RNF25: variants seen among roughly 807,000 people sequenced by gnomAD.
RNF25 encodes the protein ring finger protein 25, also known as E3 ubiquitin-protein ligase RNF25.
A neutral mutation model predicts 65.0 loss-of-function variants in RNF25; 32 were observed. The observed-to-expected ratio is 0.49, with a 90% CI of 0.37 to 0.66. RNF25 has a LOEUF of 0.66. RNF25 is among the 30% of genes least tolerant of loss of function. The pLI, the probability that RNF25 is intolerant of heterozygous loss-of-function variation, is 0.00. For synonymous variants in RNF25, 207 were observed against 221.2 expected, an observed-to-expected ratio of 0.94 and a Z score of 0.57; for missense variants, 493 against 584.8, an observed-to-expected ratio of 0.84 and a Z score of 1.62.
At chr2:218,666,276 G>A (rs1226555481) in intron 5 of RNF25, 46 bp from the exon 6 acceptor site, 1 of 1,498,340 alleles carries the variant, frequency 6.7e-7, no homozygotes, top group Admixed American at 1.8e-5. Context: ...GGGAAGAACG[G>A]TGAGCAAGGC....
chr2:218,664,072 CG>C lies in RNF25; in HGVS notation c.1264del (p.Arg422AlafsTer?). The C allele has an allele frequency of 6.6e-7, 1 of 1,509,328 alleles. No individual in the cohort carries two copies. Among genetic ancestry groups the C allele is most frequent in the Non-Finnish European group, 8.9e-7 (1 of 1,129,628 alleles). 93.5% of individuals were successfully genotyped at this position (1,509,328 alleles called of 1,614,324 possible). A position where few individuals can be genotyped will look rare whatever the true frequency, so the allele number is the denominator to read the frequency against. On this transcript the variant is annotated frameshift_variant, in exon 10 of 10. Transcript: ENST00000295704. LOFTEE classifies it high-confidence loss of function. The surrounding 1 kb of genome is among the most constrained non-coding windows in gnomAD (Gnocchi z 5.1). ...AGAACCGGGTGTCCGGCCTTTAGAGCGCTCCCAGCGAACACAGTCCCGAGTC... is the reference window on the plus strand; with the variant it reads ...AGAACCGGGTGTCCGGCCTTTAGAGCCTCCCAGCGAACACAGTCCCGAGTC... ...RRTRDCVRWE[R>X]SKGRTPGSSY...
intron 6 of RNF25, 33 bp downstream of exon 6, chr2:218,666,126 A>G: frequency 6.2e-7 from 1 of 1,613,024 alleles, no homozygotes; most frequent in South Asian, 1.1e-5. Context: ...GCTGGTCCCA[A>G]ACAGAATGCC....
At position 218,668,288 on chromosome 2, in the gene RNF25, T is replaced by C. The variant is rs1939881286; in HGVS notation, c.170A>G (p.Gln57Arg). ...AGTGAAGCAGACATACTGTGAATCC[T>C]GGTCCTCTGCAGTGGCAGGATGCAA... The part of the protein sequence containing the change: ...ITLHPATAED[Q>R]DSQYVCFTLV... The change falls in exon 3 of 10, where the codon CAG (glutamine) becomes CGG (arginine). Residue 57 changes from glutamine to arginine, a missense_variant. Physicochemically the swap from Gln to Arg is conservative, Grantham distance 43. Coordinates refer to ENST00000295704, the MANE Select transcript of RNF25 (RefSeq NM_022453.3). The C allele has an allele frequency of 1.2e-6, 2 of 1,613,772 alleles. No individual in the cohort carries two copies. The highest frequency in any genetic ancestry group is 1.7e-6 in the Non-Finnish European group (2 of 1,180,004).
rs755477704 is a variant in RNF25 at position 218,665,910 on chromosome 2, G to A, written c.573+6C>T. On this transcript the variant is annotated splice_donor_region_variant and intron_variant, in intron 7 of 9. Coordinates refer to ENST00000295704, the MANE Select transcript of RNF25 (RefSeq NM_022453.3). ...CAGATGAGTGTGCAGGTGCAGTGAG[G>A]TCTACCTGTTTGGTTGTAGCATGCT... 6.2e-7 allele frequency: 1 copy of A among 1,612,214 alleles called. No individual in the cohort carries two copies.
In RNF25 at chr2:218,664,617, G is replaced by A; in HGVS notation, c.802-82C>T. On this transcript the variant is annotated intron_variant, in intron 9 of 9. Transcript: ENST00000295704. This position sits in a 1 kb window ranked among gnomAD's most constrained non-coding sequence, Gnocchi z 5.1. ...TACAGGCCCCTCTCCTACTATCTGG[G>A]CTGACCACGATCAGCCTATCATCTT... The A allele has an allele frequency of 6.3e-7, 1 of 1,574,962 alleles. No individual in the cohort carries two copies. Among genetic ancestry groups the A allele is most frequent in the Non-Finnish European group, 8.7e-7 (1 of 1,155,156 alleles).
intron 1 of RNF25, among the ~76,000 whole-genome samples, chr2:218,670,405 G>A (rs1939923479): frequency 6.6e-6 from 1 of 151,490 alleles, no homozygotes; most frequent in African/African-American, 2.4e-5. Context: ...CAACAAAATG[G>A]GGGAGGGGGG....
chr2:218,665,044 G>T, intron 8 of RNF25, 111 bp downstream of exon 8: 1 of 1,428,870 alleles, frequency 7.0e-7, no homozygotes, highest in Middle Eastern at 1.7e-4. Context: ...AGAGGTCCTA[G>T]GCAGTTCAAG....
At chr2:218,671,809 C>G in intron 1 of RNF25, 121 bp downstream of exon 1, 1 of 1,067,430 alleles carries the variant, frequency 9.4e-7, no homozygotes. Flanking sequence ...ATGTCAGCAT[C>G]TCTGCCATCC....
intron 2 of RNF25, 118 bp downstream of exon 2, chr2:218,668,487 T>C: frequency 1.0e-6 from 1 of 990,752 alleles, no homozygotes; most frequent in Non-Finnish European, 1.6e-6. Flanking sequence ...AGCTTTTGTC[T>C]ACACAAGAGA....
rs1351037966 is a variant in RNF25 at position 218,666,010 on chromosome 2, T to C, written c.479A>G (p.His160Arg). ...KTPCYHYFHC[H>R]CLARYIQHME... Reference sequence around the variant, plus strand: ...GTGCTGGATGTACCGAGCAAGGCAGTGGCAGTGGAAGTAGTGGTAACAGGG... The same window carrying C: ...GTGCTGGATGTACCGAGCAAGGCAGCGGCAGTGGAAGTAGTGGTAACAGGG... The change falls in exon 7 of 10, where the codon CAC becomes CGC. Residue 160 changes from histidine to arginine, a missense_variant. Around this residue, in one of 3 missense-constraint regions of RNF25, gnomAD observed 351 missense variants for 400.2 expected, o/e 0.88. Transcript: ENST00000295704. 2 of 1,613,994 alleles carry C rather than the reference T, an allele frequency of 1.2e-6. No homozygotes were observed. The highest frequency in any genetic ancestry group is 1.7e-5 in the Admixed American group (1 of 59,984).
In RNF25 at chr2:218,664,768, G is replaced by A. The variant is rs187969469; in HGVS notation, c.772C>T (p.Arg258Ter). The A allele has an allele frequency of 1.2e-6, 2 of 1,614,218 alleles. No individual in the cohort carries two copies. The highest frequency in any genetic ancestry group is 1.7e-6 in the Non-Finnish European group (2 of 1,180,040). Residue 258 changes from arginine to a stop codon, truncating the protein, a stop_gained, in exon 9 of 10, where the codon CGA (arginine) becomes TGA (stop). Transcript: ENST00000295704. LOFTEE classifies it high-confidence loss of function. This position sits in a 1 kb window ranked among gnomAD's most constrained non-coding sequence, Gnocchi z 5.1. ...RGGIIDLEAE[R>*]NRYFISLQQP... ...TGAAGGCTGATGAAGTATCGGTTTC[G>A]CTCAGCCTCAAGGTCAATGATTCCC...
rs775224384 is a variant in RNF25, at chr2:218,664,302, A to T, written c.1035T>A (p.Gly345=). The T allele has an allele frequency of 9.9e-6, 16 of 1,611,388 alleles. No individual in the cohort carries two copies. The highest frequency in any genetic ancestry group is 5.0e-5 in the Admixed American group (3 of 59,882). ...AMLDPPKPSR[G]PWRQPERRHP... ...GCCTCCGTTCGGGCTGTCGCCAGGG[A>T]CCTCGACTGGGCTTGGGGGGATCTA... The change falls in exon 10 of 10, where the codon GGT becomes GGA. Residue 345 remains glycine (G), a synonymous_variant. Coordinates refer to ENST00000295704, the MANE Select transcript of RNF25 (RefSeq NM_022453.3). The surrounding 1 kb of genome is among the most constrained non-coding windows in gnomAD (Gnocchi z 5.1).
rs777649917 is a variant in RNF25, at chr2:218,664,285, T to A, written c.1052A>T (p.Glu351Val). Residue 351 changes from glutamate (E) to valine (V), a missense_variant, in exon 10 of 10, where the codon GAA becomes GTA. Around this residue, in one of 3 missense-constraint regions of RNF25, gnomAD observed 351 missense variants for 400.2 expected, o/e 0.88. Coordinates refer to ENST00000295704, the MANE Select transcript of RNF25 (RefSeq NM_022453.3). The surrounding 1 kb of genome is among the most constrained non-coding windows in gnomAD (Gnocchi z 5.1). ...KPSRGPWRQP[E>V]RRHPKGGECH... Reference sequence around the variant, plus strand: ...CTCCCCTCCCTTTGGGTGCCTCCGTTCGGGCTGTCGCCAGGGACCTCGACT... The same window carrying A: ...CTCCCCTCCCTTTGGGTGCCTCCGTACGGGCTGTCGCCAGGGACCTCGACT... The A allele has an allele frequency of 6.2e-7, 1 of 1,610,086 alleles. No individual in the cohort carries two copies. Among genetic ancestry groups the A allele is most frequent in the Admixed American group, 1.7e-5 (1 of 59,832 alleles).
In RNF25 at chr2:218,664,282, C is replaced by T. The variant is rs35853821; in HGVS notation, c.1055G>A (p.Arg352Gln). The change falls in exon 10 of 10, where the codon CGG (arginine) becomes CAG (glutamine). Residue 352 changes from arginine to glutamine, a missense_variant. By Grantham distance (43) the Arg-to-Gln change is conservative (BLOSUM62 1). This residue lies in a region of RNF25 where 351 missense variants were observed against 400.2 expected (regional missense o/e 0.88). Transcript: ENST00000295704. The surrounding 1 kb of genome is among the most constrained non-coding windows in gnomAD (Gnocchi z 5.1). ...GCACTCCCCTCCCTTTGGGTGCCTC[C>T]GTTCGGGCTGTCGCCAGGGACCTCG... ...PSRGPWRQPE[R>Q]RHPKGGECHA... is the part of the protein sequence containing the mutation. 4.7e-5 allele frequency: 75 copies of T among 1,609,358 alleles called. No homozygotes were observed. The East Asian group carries it at 4.7e-4, about 10-fold the overall frequency.
rs775699312 is a variant in RNF25, at chr2:218,668,164, C to T, written c.220-18G>A. 2 of 1,613,934 alleles carry T rather than the reference C, an allele frequency of 1.2e-6. No homozygotes were observed. The highest frequency in any genetic ancestry group is 1.7e-4 in the Middle Eastern group (1 of 6,058). On this transcript the variant is annotated intron_variant, in intron 3 of 9. Transcript: ENST00000295704. Reference sequence around the variant, plus strand: ...TGGGGATACTAGTGGGGGCAAATAACAAGTTACTGCTGAAGCGGTCCACCC... The same window carrying T: ...TGGGGATACTAGTGGGGGCAAATAATAAGTTACTGCTGAAGCGGTCCACCC...
intron 5 of RNF25, 141 bp downstream of exon 5, chr2:218,667,771 T>A: frequency 1.4e-6 from 1 of 711,460 alleles, no homozygotes; most frequent in Non-Finnish European, 2.3e-6. Flanking sequence ...AATAGAAGAG[T>A]CTCATTTCTC....
At chr2:218,665,280 C>T in intron 7 of RNF25, 33 bp from the exon 8 acceptor site, 1 of 1,599,260 alleles carries the variant, frequency 6.3e-7, no homozygotes, top group Non-Finnish European at 8.6e-7. Flanking sequence ...GCCTGTGTCA[C>T]AGCCCAGGAT....
chr2:218,665,835 A>G, intron 7 of RNF25, 81 bp downstream of exon 7: 1 of 1,530,174 alleles, frequency 6.5e-7, no homozygotes, highest in Non-Finnish European at 8.8e-7. Flanking sequence ...GTGAAGAGCC[A>G]CTGGAGTGGA....
chr2:218,665,932 T>C lies in RNF25; in HGVS notation c.557A>G (p.His186Arg). 1 of 1,613,910 alleles carries C rather than the reference T, an allele frequency of 6.2e-7. No individual in the cohort carries two copies. The highest frequency in any genetic ancestry group is 1.1e-5 in the South Asian group (1 of 91,054). The change falls in exon 7 of 10, where the codon CAT (histidine) becomes CGT (arginine). Residue 186 changes from histidine to arginine, a missense_variant. Coordinates refer to ENST00000295704, the MANE Select transcript of RNF25 (RefSeq NM_022453.3). ...QGQEQEQERQ[H>R]ATTKQKAVGV... ...GAGGTCTACCTGTTTGGTTGTAGCATGCTGCCGTTCCTGTTCCTGCTCCTG... is the reference window on the plus strand; with the variant it reads ...GAGGTCTACCTGTTTGGTTGTAGCACGCTGCCGTTCCTGTTCCTGCTCCTG...
Sources: gnomAD v4.1 joint callset for allele counts (sites outside exome capture counted in the v4.1 genomes callset) on GRCh38, gnomAD v4.1.1 for gene constraint, gnomAD v4.1.1 regional missense constraint, Gnocchi (gnomAD v3.1) non-coding constraint, MANE v1.5 for transcripts, NCBI Gene and HGNC (gene_info 2026-07-23, HGNC 2026-07-21) for gene names.